The following MKNK2 variants were observed in gnomAD, a reference collection of about 807,000 sequenced individuals.
MKNK2 encodes MAPK interacting serine/threonine kinase 2.
In MKNK2, 54 loss-of-function variants were observed where a neutral mutation model predicts 55.0. That is an observed-to-expected ratio of 0.98 (90% confidence interval 0.79 to 1.23). MKNK2 has a LOEUF of 1.23. Ranked by LOEUF, MKNK2 falls within the 50% of genes most tolerant of loss-of-function variation. MKNK2 has a pLI of 0.00. For synonymous variants in MKNK2, 323 were observed against 256.0 expected (o/e 1.26, Z -2.50); for missense variants, 685 against 632.1 (o/e 1.08, Z -0.90).
At chr19:2,050,103 C>T (rs2017081964) in intron 2 of MKNK2, among the ~76,000 whole-genome samples, 1 of 152,180 alleles carries the variant, frequency 6.6e-6, no homozygotes, top group South Asian at 2.1e-4. Context: ...GGCCCCTGCC[C>T]AGCACCTGCC....
At chr19:2,050,727 G>C (rs112312744) in intron 2 of MKNK2, 74 bp downstream of exon 2, 2 of 1,410,092 alleles carry the variant, frequency 1.4e-6, no homozygotes, top group African/African-American at 1.5e-5. Flanking sequence ...TCTTAGGGGC[G>C]GGCCCCGCGC....
In MKNK2 at chr19:2,046,254, C is replaced by T; in HGVS notation, c.271G>A (p.Gly91Arg). ...TGCACTCGGGCATGAGCGCCCTCCC[C>T]CAGCACATCTTCCTGCAGCTGGTAG... is the stretch of plus-strand genomic sequence containing the variant. ...DVYQLQEDVL[G>R]EGAHARVQTC... Residue 91 changes from glycine (G) to arginine (R), a missense_variant, in exon 5 of 14, where the codon GGG becomes AGG. Physicochemically the swap from Gly to Arg is moderately radical, Grantham distance 125 (BLOSUM62 -2). Coordinates refer to ENST00000250896, the MANE Select transcript of MKNK2 (RefSeq NM_199054.3). 1.2e-6 allele frequency: 2 copies of T among 1,605,754 alleles called. No individual in the cohort carries two copies. The highest frequency in any genetic ancestry group is 1.7e-6 in the Non-Finnish European group (2 of 1,179,914).
intron 12 of MKNK2, chr19:2,040,692 G>A: frequency 5.7e-6 from 2 of 349,944 alleles, no homozygotes; most frequent in South Asian, 3.8e-5. Context: ...AAGGGTGGAG[G>A]CACAGCCTGG....
chr19:2,040,772 T>A, intron 12 of MKNK2: 1 of 515,810 alleles, frequency 1.9e-6, no homozygotes. Context: ...CGCTCCAGCC[T>A]GCTGCAGGCT....
Position 2,038,341 on chromosome 19 carries a change from G to T in MKNK2, c.*1272C>A. Reference sequence around the variant, plus strand: ...AGGGGCTGCCCCAGCTGTGGAGCTCGGGGGCTGCGCCGGGAAGGGCGGGCG... The same window carrying T: ...AGGGGCTGCCCCAGCTGTGGAGCTCTGGGGCTGCGCCGGGAAGGGCGGGCG... On this transcript the variant is annotated 3_prime_UTR_variant, in exon 14 of 14. Coordinates refer to ENST00000250896, the MANE Select transcript of MKNK2 (RefSeq NM_199054.3). The T allele has an allele frequency of 1.0e-6, 1 of 986,492 alleles. No homozygotes were observed. The highest frequency in any genetic ancestry group is 1.2e-6 in the Non-Finnish European group (1 of 830,412). The allele number at this position is 986,492 out of a possible 1,614,324, so 61.1% of individuals were successfully genotyped here. A position where few individuals can be genotyped will look rare whatever the true frequency, so the allele number is the denominator to read the frequency against.
chr19:2,049,574 G>C (rs2017068941), intron 2 of MKNK2, among the ~76,000 whole-genome samples: 1 of 152,208 alleles, frequency 6.6e-6, no homozygotes, highest in Admixed American at 6.5e-5. Context: ...TCTGGCTGTG[G>C]GACTCGAGTC....
intron 6 of MKNK2, 149 bp from the exon 7 acceptor site, chr19:2,043,346 G>A (rs995233361): frequency 1.8e-5 from 18 of 999,232 alleles, no homozygotes; most frequent in African/African-American, 1.3e-4. Flanking sequence ...CACACTGCCC[G>A]CCTGGGGCTG....
chr19:2,050,713 C>A, intron 2 of MKNK2, 88 bp downstream of exon 2: 2 of 1,301,736 alleles, frequency 1.5e-6, no homozygotes, highest in East Asian at 2.8e-5. Flanking sequence ...GCCCCGGGAG[C>A]CGATCTTAGG....
chr19:2,044,605 G>A (rs1166956341), intron 5 of MKNK2, among the ~76,000 whole-genome samples: 1 of 152,244 alleles, frequency 6.6e-6, no homozygotes, highest in Non-Finnish European at 1.5e-5. Context: ...CCTGGTGGCA[G>A]CAGGGATGTG....
intron 7 of MKNK2, 27 bp from the exon 8 acceptor site, chr19:2,042,897 AG>A (rs2145687825): frequency 1.3e-6 from 2 of 1,548,580 alleles, no homozygotes; most frequent in Non-Finnish European, 1.7e-6. Flanking sequence ...AGGGCAGGAC[AG>A]GGGGAACACG....
Position 2,042,635 on chromosome 19 carries a change from T to C in MKNK2, c.626A>G (p.Glu209Gly). ...KGIAHRDLKPENILCEHPNQV... is the reference protein window; with the variant it reads ...KGIAHRDLKPGNILCEHPNQV... The stretch of plus-strand genomic sequence containing the variant: ...GTTGGGGTGCTCACAGAGGATGTTT[T>C]CCGGCTTTAGGTCCCTGTGGGCGAT... Residue 209 changes from glutamate (E) to glycine (G), a missense_variant, in exon 9 of 14, where the codon GAA becomes GGA. By Grantham distance (98) the Glu-to-Gly change is moderately conservative. Transcript: ENST00000250896. 1 of 1,564,432 alleles carries C rather than the reference T, an allele frequency of 6.4e-7. No individual in the cohort carries two copies.
chr19:2,041,849 A>AGGGCAGGCC lies in MKNK2; in HGVS notation c.927_935dup (p.Pro312_Cys314dup). 1 of 1,526,802 alleles carries AGGGCAGGCC rather than the reference A, an allele frequency of 6.5e-7. No homozygotes were observed. Among genetic ancestry groups the AGGGCAGGCC allele is most frequent in the Non-Finnish European group, 8.8e-7 (1 of 1,136,816 alleles). The allele number at this position is 1,526,802 out of a possible 1,614,324, so 94.6% of individuals were successfully genotyped here. On this transcript the variant is annotated inframe_insertion, in exon 11 of 14. Coordinates refer to ENST00000250896, the MANE Select transcript of MKNK2 (RefSeq NM_199054.3). ...GCGCGGGCCGCCGCACCTGGCAGGCAGGGCAGGCCTCGCCGCGGTCCCAGC... is the reference window on the plus strand; with the variant it reads ...GCGCGGGCCGCCGCACCTGGCAGGCAGGGCAGGCCGGGCAGGCCTCGCCGCGGTCCCAGC...
rs756366536 is a variant in MKNK2, at chr19:2,043,219, G to A, written c.420-22C>T. The A allele has an allele frequency of 5.0e-6, 7 of 1,387,278 alleles. No individual in the cohort carries two copies. The African/African-American group carries it at 9.9e-5, about 20-fold the overall frequency. The allele number at this position is 1,387,278 out of a possible 1,614,324, so 85.9% of individuals were successfully genotyped here. On this transcript the variant is annotated intron_variant, in intron 6 of 13. Coordinates refer to ENST00000250896, the MANE Select transcript of MKNK2 (RefSeq NM_199054.3). Reference sequence around the variant, plus strand: ...GTTCCTGGGGTGGGGGTGGGGGCAGGAGAGGAGCTGAGGCTTCCTGAGGCC... The same window carrying A: ...GTTCCTGGGGTGGGGGTGGGGGCAGAAGAGGAGCTGAGGCTTCCTGAGGCC...
intron 12 of MKNK2, chr19:2,040,427 G>A (rs2016851282): frequency 2.0e-6 from 1 of 503,660 alleles, no homozygotes; most frequent in African/African-American, 2.0e-5. Flanking sequence ...GACCCAGTGA[G>A]GGTGGGGGCA....
chr19:2,046,693 T>A lies in MKNK2; in HGVS notation c.52-2A>T, dbSNP rs1301285711. On this transcript the variant is annotated splice_acceptor_variant, in intron 2 of 13. Coordinates refer to ENST00000250896, the MANE Select transcript of MKNK2 (RefSeq NM_199054.3). LOFTEE classifies it high-confidence loss of function. ...GGCCAGCTCGAAGGGGTTCTGCCCCTGCAGGGGAGAGGAGAGGAGAGGCAC... is the reference window on the plus strand; with the variant it reads ...GGCCAGCTCGAAGGGGTTCTGCCCCAGCAGGGGAGAGGAGAGGAGAGGCAC... 5 of 1,516,032 alleles carry A rather than the reference T, an allele frequency of 3.3e-6. No individual in the cohort carries two copies. The Admixed American group carries it at 7.2e-5, about 22-fold the overall frequency. 93.9% of individuals were successfully genotyped at this position (1,516,032 alleles called of 1,614,324 possible).
chr19:2,038,158 A>C lies in MKNK2; in HGVS notation c.*1455T>G, dbSNP rs568325563. On this transcript the variant is annotated 3_prime_UTR_variant, in exon 14 of 14. Transcript: ENST00000250896. ...GAGATTCAGGAGGGGCAGCAGGGCC[A>C]GGCAGACGGTCTCCGAGGCCCCCAC... 2 of 1,039,936 alleles carry C rather than the reference A, an allele frequency of 1.9e-6. No individual in the cohort carries two copies. Among genetic ancestry groups the C allele is most frequent in the Admixed American group, 1.1e-4 (2 of 17,430 alleles). The allele number at this position is 1,039,936 out of a possible 1,614,324, so 64.4% of individuals were successfully genotyped here. A position where few individuals can be genotyped will look rare whatever the true frequency, so the allele number is the denominator to read the frequency against.
intron 2 of MKNK2, among the ~76,000 whole-genome samples, chr19:2,048,156 C>T (rs2017038579): frequency 6.6e-6 from 1 of 152,046 alleles, no homozygotes; most frequent in South Asian, 2.1e-4. Flanking sequence ...GCCCTGATAC[C>T]CGGCTAAGGA....
In MKNK2 at chr19:2,041,940, C is replaced by T. The variant is rs768625754; in HGVS notation, c.845G>A (p.Gly282Asp). 1.3e-6 allele frequency: 2 copies of T among 1,555,368 alleles called. No homozygotes were observed. The highest frequency in any genetic ancestry group is 1.4e-5 in the African/African-American group (1 of 73,098). ...GCTGAGTAGGATATACAAGATGACGCCCAGGCTCCACAGGTCGCAGCGCTT... is the reference window on the plus strand; with the variant it reads ...GCTGAGTAGGATATACAAGATGACGTCCAGGCTCCACAGGTCGCAGCGCTT... Reference protein sequence around the residue: ...YDKRCDLWSLGVILYILLSGY... With the variant: ...YDKRCDLWSLDVILYILLSGY... Residue 282 changes from glycine to aspartate, a missense_variant, in exon 11 of 14, where the codon GGC becomes GAC. Gly to Asp is a moderately conservative substitution (Grantham distance 94, BLOSUM62 -1). Coordinates refer to ENST00000250896, the MANE Select transcript of MKNK2 (RefSeq NM_199054.3).
chr19:2,041,861 G>A lies in MKNK2; in HGVS notation c.924C>T (p.Gly308=), dbSNP rs755583372. 2.7e-5 allele frequency: 42 copies of A among 1,534,660 alleles called. No individual in the cohort carries two copies. Among genetic ancestry groups the A allele is most frequent in the South Asian group, 6.0e-5 (5 of 82,940 alleles). ...GCACCTGGCAGGCAGGGCAGGCCTC[G>A]CCGCGGTCCCAGCCGCAGTCGCTGC... ...RCGSDCGWDR[G]EACPACQNML... is the part of the protein sequence containing the mutation. Residue 308 remains glycine (G), a synonymous_variant, in exon 11 of 14, where the codon GGC becomes GGT. Transcript: ENST00000250896.
Sources: allele counts gnomAD v4.1 joint callset (sites outside exome capture counted in the v4.1 genomes callset), GRCh38; gene constraint gnomAD v4.1.1; transcripts MANE v1.5; gene names NCBI Gene and HGNC (gene_info 2026-07-23, HGNC 2026-07-21).